The following DLC1 variants were observed in gnomAD, a reference collection of about 807,000 sequenced individuals.
DLC1 encodes rho GTPase-activating protein 7.
Under a neutral mutation model 140.3 loss-of-function variants are expected in DLC1, and 54 were observed. That is an observed-to-expected ratio of 0.38 (90% CI 0.31 to 0.48). The LOEUF is 0.48. DLC1 is among the 20% of genes least tolerant of loss of function. The pLI is 0.96. For missense variants in DLC1, 2,536 were observed against 1,907.0 expected, an observed-to-expected ratio of 1.33 and a Z score of -6.14; for synonymous variants, 986 against 728.1, an observed-to-expected ratio of 1.35 and a Z score of -5.70.
At chr8:13,428,724 T>C (rs1838719139) in intron 2 of DLC1, among the ~76,000 whole-genome samples, 1 of 152,150 alleles carries the variant, frequency 6.6e-6, no homozygotes, top group Non-Finnish European at 1.5e-5. Context: ...GATGGATTTT[T>C]TTTTGCCATT....
At chr8:13,308,299 T>C (rs1248566316) in intron 4 of DLC1, among the ~76,000 whole-genome samples, 5 of 152,198 alleles carry the variant, frequency 3.3e-5, no homozygotes, top group Non-Finnish European at 7.3e-5. Context: ...CAAAACTCAC[T>C]TCCATTACAT....
rs551031706 is a variant in DLC1, at chr8:13,120,570, G to A, written c.1349-4913C>T. On this transcript the variant is annotated intron_variant, in intron 5 of 17. Coordinates refer to ENST00000276297, the MANE Select transcript of DLC1 (RefSeq NM_182643.3). ...ATGTGGGTGGTGATGTGAAAATTAC[G>A]AGGATGATTTTTTTAAAAAACATTC... 7.3e-5 allele frequency among the ~76,000 whole-genome samples: 11 copies of A among 151,700 alleles called. No homozygotes were observed. In the East Asian group the frequency reaches 1.4e-3, roughly 19 times the overall value.
chr8:13,344,188 C>T (rs1352503635), intron 4 of DLC1, among the ~76,000 whole-genome samples: 2 of 152,158 alleles, frequency 1.3e-5, no homozygotes, highest in Non-Finnish European at 1.5e-5. Flanking sequence ...GCTATAGTTC[C>T]TACCTTTAAA....
chr8:13,453,718 C>T (rs1799263268), intron 2 of DLC1, among the ~76,000 whole-genome samples: 1 of 150,436 alleles, frequency 6.6e-6, no homozygotes, highest in African/African-American at 2.4e-5. Flanking sequence ...TTCTTTTATT[C>T]AACGTCCTGT....
At position 13,559,550 on chromosome 8, in the gene DLC1, T is replaced by G. The variant is rs1299932928; in HGVS notation, c.-126+44987A>C. On this transcript the variant is annotated intron_variant, in intron 1 of 1. Coordinates refer to the DLC1 transcript ENST00000631382. Reference sequence around the variant, plus strand: ...AATAAAATAATTTGCAATTTCCATGTCATTCAACACTATGTAATTATAATA... The same window carrying G: ...AATAAAATAATTTGCAATTTCCATGGCATTCAACACTATGTAATTATAATA... Among the ~76,000 whole-genome samples the G allele has an allele frequency of 9.8e-5, 15 of 152,342 alleles. No individual in the cohort carries two copies. In the South Asian group the frequency reaches 2.9e-3, roughly 29 times the overall value.
intron 5 of DLC1, among the ~76,000 whole-genome samples, chr8:13,272,007 G>A (rs898364381): frequency 1.2e-4 from 19 of 152,166 alleles, no homozygotes; most frequent in African/African-American, 2.9e-4. Flanking sequence ...ATAATGTGAC[G>A]TCACATATCT....
intron 4 of DLC1, among the ~76,000 whole-genome samples, chr8:13,324,463 G>T (rs1275608114): frequency 6.6e-6 from 1 of 151,720 alleles, no homozygotes; most frequent in Non-Finnish European, 1.5e-5. Context: ...AGCTACTCGG[G>T]AGGCTGAGGC....
chr8:13,273,733 G>GTGTGT (rs1831047469), intron 5 of DLC1, among the ~76,000 whole-genome samples: 4 of 117,828 alleles, frequency 3.4e-5, no homozygotes, highest in African/African-American at 6.3e-5. Flanking sequence ...TGTGTGTAAG[G>GTGTGT]GGGAAGGGGG....
chr8:13,446,396 T>G (rs1053307720), intron 2 of DLC1, among the ~76,000 whole-genome samples: 3 of 152,214 alleles, frequency 2.0e-5, no homozygotes, highest in Non-Finnish European at 2.9e-5. Context: ...TTTCTTGTTT[T>G]CATCTTTTGA....
chr8:13,236,432 C>G (rs1829285909), intron 5 of DLC1, among the ~76,000 whole-genome samples: 1 of 152,058 alleles, frequency 6.6e-6, no homozygotes, highest in Non-Finnish European at 1.5e-5. Flanking sequence ...GCATTGAAAA[C>G]AGAATTGAAT....
intron 5 of DLC1, among the ~76,000 whole-genome samples, chr8:13,262,735 C>T (rs1169784350): frequency 6.6e-6 from 1 of 152,120 alleles, no homozygotes; most frequent in Non-Finnish European, 1.5e-5. Context: ...TCATGAACCA[C>T]CATTTTTAAG....
intron 15 of DLC1, 41 bp downstream of exon 15, chr8:13,090,211 A>C (rs1585572757): frequency 6.3e-7 from 1 of 1,580,486 alleles, no homozygotes; most frequent in South Asian, 1.2e-5. Flanking sequence ...CCAAGCTTCG[A>C]CTCCTGGACT....
At chr8:13,398,121 G>T (rs1287617554) in intron 3 of DLC1, among the ~76,000 whole-genome samples, 2 of 128,516 alleles carry the variant, frequency 1.6e-5, no homozygotes, top group East Asian at 7.4e-4. Flanking sequence ...CAGAGCGAGA[G>T]TCCATCTCAA....
chr8:13,403,782 T>C (rs554585631), intron 2 of DLC1, among the ~76,000 whole-genome samples: 3 of 148,184 alleles, frequency 2.0e-5, no homozygotes, highest in Admixed American at 1.4e-4. Flanking sequence ...GCTGGTACTA[T>C]AGGCATGTAC....
intron 10 of DLC1, 115 bp from the exon 11 acceptor site, chr8:13,095,360 G>C: frequency 7.7e-7 from 1 of 1,302,550 alleles, no homozygotes; most frequent in Non-Finnish European, 1.1e-6. Flanking sequence ...TAATACGGTG[G>C]CTACTTAAAT....
chr8:13,104,884 A>G (rs370948070), intron 7 of DLC1, among the ~76,000 whole-genome samples: 1 of 152,238 alleles, frequency 6.6e-6, no homozygotes, highest in African/African-American at 2.4e-5. Context: ...ACACTTTAAA[A>G]TGAGTGGATA....
intron 5 of DLC1, among the ~76,000 whole-genome samples, chr8:13,159,920 GA>G (rs1563122046): frequency 6.6e-6 from 1 of 151,788 alleles, no homozygotes; most frequent in Non-Finnish European, 1.5e-5. Flanking sequence ...AGCACTTTGG[GA>G]GGCTGAGGCG....
rs147095174 is a variant in DLC1 at position 13,299,770 on chromosome 8, G to A, written c.1348+5499C>T. Among the ~76,000 whole-genome samples the A allele has an allele frequency of 5.3e-3, 814 of 152,244 alleles. 9 individuals carry two copies. The highest frequency in any genetic ancestry group is 0.019 in the African/African-American group (780 of 41,550). Reference sequence around the variant, plus strand: ...GACCATTTATAATGGGAAACCCCAGGGCCAGAGGAGAGAATTGCTGTCACA... The same window carrying A: ...GACCATTTATAATGGGAAACCCCAGAGCCAGAGGAGAGAATTGCTGTCACA... On this transcript the variant is annotated intron_variant, in intron 5 of 17. Coordinates refer to ENST00000276297, the MANE Select transcript of DLC1 (RefSeq NM_182643.3).
intron 4 of DLC1, among the ~76,000 whole-genome samples, chr8:13,345,704 C>A (rs1439107615): frequency 6.6e-6 from 1 of 151,690 alleles, no homozygotes; most frequent in Non-Finnish European, 1.5e-5. Context: ...ATTACAGGCA[C>A]CTGCCACCAC....
Sources: allele counts gnomAD v4.1 joint callset (sites outside exome capture counted in the v4.1 genomes callset), GRCh38; gene constraint gnomAD v4.1.1; transcripts MANE v1.5; gene names NCBI Gene and HGNC (gene_info 2026-07-23, HGNC 2026-07-21).